The following CELF5 variants were observed in gnomAD, a reference collection of about 807,000 sequenced individuals.
The protein encoded by CELF5 is CUGBP Elav-like family member 5, also known as CUG-BP and ETR-3 like factor 5.
Under a neutral mutation model 54.9 loss-of-function variants are expected in CELF5, and 6 were observed. The observed-to-expected ratio is 0.11, with a 90% confidence interval of 0.06 to 0.22. The LOEUF is 0.22. CELF5 is among the 10% of genes least tolerant of loss of function. The pLI is 1.00. For missense variants in CELF5, 401 were observed against 678.6 expected, an observed-to-expected ratio of 0.59 and a Z score of 4.54; for synonymous variants, 271 against 290.9, an observed-to-expected ratio of 0.93 and a Z score of 0.70.
At chr19:3,244,581 C>T (rs1323968024) in intron 1 of CELF5, among the ~76,000 whole-genome samples, 3 of 141,888 alleles carry the variant, frequency 2.1e-5, no homozygotes, top group African/African-American at 5.4e-5. Context: ...GTGGTATGTG[C>T]ATGCATCTAT....
intron 11 of CELF5, among the ~76,000 whole-genome samples, chr19:3,292,835 G>T (rs1021085614): frequency 6.6e-6 from 1 of 152,146 alleles, no homozygotes. Flanking sequence ...GGTCGAGGCT[G>T]CAGTGAGCTG....
intron 1 of CELF5, among the ~76,000 whole-genome samples, chr19:3,235,681 T>TGTGGATGGGTGGATGGATGG (rs1917544422): frequency 2.5e-4 from 6 of 24,046 alleles, no homozygotes; most frequent in Admixed American, 1.7e-3. Flanking sequence ...TGGATGGATG[T>TGTGGATGGGTGGATGGATGG]GTGGATGGGT....
intron 2 of CELF5, among the ~76,000 whole-genome samples, chr19:3,258,301 T>G (rs1185336496): frequency 6.6e-6 from 1 of 151,886 alleles, no homozygotes; most frequent in African/African-American, 2.4e-5. Flanking sequence ...TTTTTTTTTT[T>G]GTAGAGACAG....
At chr19:3,242,925 C>T (rs1030291150) in intron 1 of CELF5, among the ~76,000 whole-genome samples, 11 of 152,016 alleles carry the variant, frequency 7.2e-5, no homozygotes, top group Admixed American at 1.3e-4. Flanking sequence ...GATGGTGCTG[C>T]TGCACTTCAG....
Position 3,285,002 on chromosome 19 carries a change from C to G in CELF5, c.1102+38C>G, listed in dbSNP as rs771926823. 2.0e-6 allele frequency: 3 copies of G among 1,522,496 alleles called. No individual in the cohort carries two copies. In the African/African-American group the frequency reaches 4.1e-5, roughly 21 times the overall value. 94.3% of individuals were successfully genotyped at this position (1,522,496 alleles called of 1,614,324 possible). On this transcript the variant is annotated intron_variant, in intron 9 of 12. Coordinates refer to ENST00000292672, the MANE Select transcript of CELF5 (RefSeq NM_021938.4). ...CCGCGTGCCCGCGCTGGGCCCTGGCCCCGCCCCCGCCTAGGGCCCCGCCCC... is the reference window on the plus strand; with the variant it reads ...CCGCGTGCCCGCGCTGGGCCCTGGCGCCGCCCCCGCCTAGGGCCCCGCCCC...
chr19:3,270,437 G>C (rs1025119058), intron 2 of CELF5, among the ~76,000 whole-genome samples: 1 of 151,844 alleles, frequency 6.6e-6, no homozygotes, highest in Non-Finnish European at 1.5e-5. Flanking sequence ...CAGATGGACG[G>C]GCAGGGGCGA....
At chr19:3,246,326 T>A (rs1285450782) in intron 1 of CELF5, among the ~76,000 whole-genome samples, 1 of 151,732 alleles carries the variant, frequency 6.6e-6, no homozygotes, top group African/African-American at 2.4e-5. Context: ...ATTGCGCCAC[T>A]GCACTCCAGC....
intron 2 of CELF5, among the ~76,000 whole-genome samples, chr19:3,254,577 TCATCCATC>T (rs548166304): frequency 1.4e-5 from 2 of 146,982 alleles, no homozygotes; most frequent in Non-Finnish European, 3.0e-5. Flanking sequence ...ACCCATCAAT[TCATCCATC>T]CATCCATCCA....
At chr19:3,251,141 T>C (rs530920168) in intron 2 of CELF5, 74 bp downstream of exon 2, 19 of 1,106,560 alleles carry the variant, frequency 1.7e-5, no homozygotes, top group Non-Finnish European at 2.5e-5. Context: ...CCAAGGCTCT[T>C]CCTGAGATTG....
intron 1 of CELF5, among the ~76,000 whole-genome samples, chr19:3,249,926 C>T (rs1274913916): frequency 6.6e-6 from 1 of 152,174 alleles, no homozygotes; most frequent in Non-Finnish European, 1.5e-5. Context: ...CTGCCCACTC[C>T]CCTCACCCCA....
intron 2 of CELF5, among the ~76,000 whole-genome samples, chr19:3,269,889 G>A (rs563484168): frequency 1.3e-5 from 2 of 152,146 alleles, no homozygotes; most frequent in South Asian, 2.1e-4. Context: ...TTGGCCTCCC[G>A]ACCTCTCCCT....
At chr19:3,241,897 C>A (rs150971920) in intron 1 of CELF5, among the ~76,000 whole-genome samples, 326 of 152,264 alleles carry the variant, frequency 2.1e-3, no homozygotes, top group African/African-American at 7.1e-3. Context: ...GCCTCAACCT[C>A]CCGTGTAGCT....
chr19:3,224,986 G>A lies in CELF5; in HGVS notation c.247G>A (p.Gly83Arg). ...ELTVLKDPYTGMHKGCAFLTY... is the reference protein window; with the variant it reads ...ELTVLKDPYTRMHKGCAFLTY... ...CACGGTGCTCAAAGACCCCTACACG[G>A]GGATGCACAAAGGTGGGCGCCCGGC... Residue 83 changes from glycine to arginine, a missense_variant, in exon 1 of 13, where the codon GGG becomes AGG. Physicochemically the swap from Gly to Arg is moderately radical, Grantham distance 125 (BLOSUM62 -2). Coordinates refer to ENST00000292672, the MANE Select transcript of CELF5 (RefSeq NM_021938.4). 1 of 1,589,748 alleles carries A rather than the reference G, an allele frequency of 6.3e-7. No individual in the cohort carries two copies. Among genetic ancestry groups the A allele is most frequent in the Non-Finnish European group, 8.6e-7 (1 of 1,168,512 alleles).
intron 1 of CELF5, among the ~76,000 whole-genome samples, chr19:3,230,724 C>G (rs1290500965): frequency 6.6e-6 from 1 of 152,214 alleles, no homozygotes; most frequent in Non-Finnish European, 1.5e-5. Flanking sequence ...CTCTTCCCAG[C>G]CTCCCAGCCT....
chr19:3,252,823 T>C (rs895475473), intron 2 of CELF5, among the ~76,000 whole-genome samples: 3 of 151,936 alleles, frequency 2.0e-5, no homozygotes, highest in African/African-American at 7.3e-5. Flanking sequence ...TGTGTGACAG[T>C]AAGCCAGTGA....
chr19:3,293,343 C>T lies in CELF5; in HGVS notation c.1355C>T (p.Ala452Val). The change falls in exon 12 of 13, where the codon GCC becomes GTC. Residue 452 changes from alanine (A) to valine (V), a missense_variant. This residue lies in a region of CELF5 where 59 missense variants were observed against 128.8 expected (regional missense o/e 0.46). Coordinates refer to ENST00000292672, the MANE Select transcript of CELF5 (RefSeq NM_021938.4). ...CFGFVSFDNP[A>V]SAQAAIQAMN... ...GGCTTCGTGAGCTTTGATAACCCGG[C>T]CAGCGCCCAGGCAGCCATCCAGGCC... 1.2e-6 allele frequency: 2 copies of T among 1,614,146 alleles called. No individual in the cohort carries two copies. Among genetic ancestry groups the T allele is most frequent in the Non-Finnish European group, 1.7e-6 (2 of 1,179,990 alleles).
chr19:3,275,375 C>G lies in CELF5; in HGVS notation c.395-481C>G, dbSNP rs1344491847. Reference sequence around the variant, plus strand: ...TCCCGACAAAGTTGGGCAGGGGCCTCTGCTGGGCACCGTGAAAGTGCGGGG... The same window carrying G: ...TCCCGACAAAGTTGGGCAGGGGCCTGTGCTGGGCACCGTGAAAGTGCGGGG... On this transcript the variant is annotated intron_variant, in intron 3 of 12. Coordinates refer to ENST00000292672, the MANE Select transcript of CELF5 (RefSeq NM_021938.4). This position sits in a 1 kb window ranked among gnomAD's most constrained non-coding sequence, Gnocchi z 6.7. 6.6e-6 allele frequency among the ~76,000 whole-genome samples: 1 copy of G among 152,250 alleles called. No individual in the cohort carries two copies. The highest frequency in any genetic ancestry group is 1.5e-5 in the Non-Finnish European group (1 of 68,044).
intron 12 of CELF5, chr19:3,293,889 A>G (rs2080393347): frequency 6.0e-6 from 1 of 167,806 alleles, no homozygotes; most frequent in Admixed American, 5.8e-5. Context: ...CCAGACGGAA[A>G]TGCCAAGTGC....
chr19:3,290,126 G>A (rs976865064), intron 10 of CELF5, 105 bp from the exon 11 acceptor site: 47 of 837,378 alleles, frequency 5.6e-5, no homozygotes, highest in Non-Finnish European at 8.8e-5. Context: ...CCCCTCTCCC[G>A]ACAGCTGGAG....
Sources: allele counts gnomAD v4.1 joint callset (sites outside exome capture counted in the v4.1 genomes callset), GRCh38; gene constraint gnomAD v4.1.1; regional missense constraint gnomAD v4.1.1; non-coding constraint Gnocchi (gnomAD v3.1); transcripts MANE v1.5; gene names NCBI Gene and HGNC (gene_info 2026-07-23, HGNC 2026-07-21).